HTR4: variants seen among roughly 807,000 people sequenced by gnomAD.
HTR4 encodes the protein 5-hydroxytryptamine (serotonin) receptor 4, G protein-coupled.
In HTR4, 16 loss-of-function variants were observed where a neutral mutation model predicts 36.8. That is an observed-to-expected ratio of 0.43 (90% CI 0.29 to 0.66). HTR4 has a LOEUF of 0.66. Among genes scored for constraint, HTR4 ranks in the 30% least tolerant of loss-of-function variants. HTR4 has a pLI of 0.13. For synonymous variants in HTR4, 189 were observed against 185.1 expected (o/e 1.02, Z -0.17); for missense variants, 438 against 490.9 (o/e 0.89, Z 1.02).
intron 5 of HTR4, chr5:148,451,326 C>G: frequency 6.2e-7 from 1 of 1,611,408 alleles, no homozygotes; most frequent in Non-Finnish European, 8.5e-7. Context: ...TCCAACTGCA[C>G]CGAAGTCAAG....
intron 2 of HTR4, among the ~76,000 whole-genome samples, chr5:148,556,000 G>A (rs1759934281): frequency 6.6e-6 from 1 of 151,818 alleles, no homozygotes; most frequent in South Asian, 2.1e-4. Context: ...ACTTTCTGGA[G>A]AGTCAAGAAC....
intron 4 of HTR4, among the ~76,000 whole-genome samples, chr5:148,533,310 C>A (rs905021746): frequency 1.3e-5 from 2 of 152,190 alleles, no homozygotes; most frequent in African/African-American, 4.8e-5. Context: ...AGGATATTTA[C>A]AAAGTAATTT....
In HTR4 at chr5:148,590,287, C is replaced by CTTTTTTTTTTTTTTTTTTTTTTTTTTTT. The variant is rs779077579; in HGVS notation, c.27-40053_27-40026dup. ...GTATTATTATTTTCTTTTTTCTTTT[C>CTTTTTTTTTTTTTTTTTTTTTTTTTTTT]TTTTTTTTTTTTTTTTTTTTTTTTT... On this transcript the variant is annotated intron_variant, in intron 2 of 6. Transcript: ENST00000377888. Among the ~76,000 whole-genome samples the CTTTTTTTTTTTTTTTTTTTTTTTTTTTT allele has an allele frequency of 2.7e-4, 9 of 33,334 alleles. 1 individual carries two copies. The highest frequency in any genetic ancestry group is 4.3e-4 in the Non-Finnish European group (8 of 18,796). The allele number at this position is 33,334 out of a possible 152,430, so 21.9% of individuals were successfully genotyped here.
At chr5:148,460,732 G>A (rs1035866917) in intron 5 of HTR4, among the ~76,000 whole-genome samples, 2 of 152,106 alleles carry the variant, frequency 1.3e-5, no homozygotes, top group Non-Finnish European at 2.9e-5. Context: ...AGGAATAAGT[G>A]AAGTAAAATA....
In HTR4 at chr5:148,517,935, T is replaced by A. The variant is rs545599110; in HGVS notation, c.507+5258A>T. 2.3e-4 allele frequency among the ~76,000 whole-genome samples: 35 copies of A among 151,924 alleles called. 1 individual carries two copies. In the South Asian group the frequency reaches 3.8e-3, roughly 16 times the overall value. ...CCTACACGATCTTTCTCCTATATAT[T>A]TTTTTTTACTTCCTCTCCTACATTT... On this transcript the variant is annotated intron_variant, in intron 5 of 6. Coordinates refer to ENST00000377888, the MANE Select transcript of HTR4 (RefSeq NM_000870.7).
At chr5:148,624,609 C>T (rs1422789040) in intron 2 of HTR4, among the ~76,000 whole-genome samples, 1 of 152,146 alleles carries the variant, frequency 6.6e-6, no homozygotes, top group African/African-American at 2.4e-5. Context: ...CAAACAGCAC[C>T]ACAGGAGAAG....
chr5:148,571,325 T>A (rs1269925135), intron 2 of HTR4, among the ~76,000 whole-genome samples: 1 of 152,126 alleles, frequency 6.6e-6, no homozygotes, highest in Non-Finnish European at 1.5e-5. Context: ...TTGTTGGTAG[T>A]TGTCGTGTCC....
chr5:148,490,962 C>A, intron 6 of HTR4: 1 of 397,232 alleles, frequency 2.5e-6, no homozygotes. Flanking sequence ...AAAATCATGG[C>A]ATTTACCCTC....
intron 4 of HTR4, among the ~76,000 whole-genome samples, chr5:148,530,451 T>C (rs555061197): frequency 1.3e-5 from 2 of 152,180 alleles, no homozygotes; most frequent in South Asian, 4.2e-4. Context: ...CTTCAGAGGG[T>C]GCTTCCATGT....
intron 6 of HTR4, among the ~76,000 whole-genome samples, chr5:148,483,693 C>T (rs761865452): frequency 3.3e-5 from 5 of 152,164 alleles, no homozygotes; most frequent in Non-Finnish European, 7.3e-5. Flanking sequence ...GTCCTTTGAA[C>T]ACCTCTCTTG....
intron 6 of HTR4, among the ~76,000 whole-genome samples, chr5:148,503,313 C>T (rs1581390747): frequency 6.6e-6 from 1 of 152,302 alleles, no homozygotes; most frequent in East Asian, 1.9e-4. Context: ...ACTCTACAAG[C>T]CAGAAGAGGG....
chr5:148,535,689 A>G (rs1164810044), intron 4 of HTR4, among the ~76,000 whole-genome samples: 1 of 152,202 alleles, frequency 6.6e-6, no homozygotes, highest in Non-Finnish European at 1.5e-5. Context: ...AAATAAAGAC[A>G]AAATAATTAA....
chr5:148,458,436 C>A (rs1409201103), intron 5 of HTR4, among the ~76,000 whole-genome samples: 1 of 151,992 alleles, frequency 6.6e-6, no homozygotes, highest in Non-Finnish European at 1.5e-5. Context: ...TCCCTGTCCT[C>A]ATGGAGCTAG....
intron 6 of HTR4, among the ~76,000 whole-genome samples, chr5:148,504,050 C>A (rs564518708): frequency 7.9e-5 from 12 of 152,258 alleles, no homozygotes; most frequent in African/African-American, 2.9e-4. Flanking sequence ...TAATGGGAGA[C>A]TTTAACACCC....
chr5:148,467,090 G>A (rs1296296035), intron 5 of HTR4, among the ~76,000 whole-genome samples: 1 of 152,096 alleles, frequency 6.6e-6, no homozygotes, highest in Non-Finnish European at 1.5e-5. Flanking sequence ...TAAACTTCAA[G>A]GCAATAAGGA....
intron 2 of HTR4, among the ~76,000 whole-genome samples, chr5:148,615,898 C>A (rs111825360): frequency 9.2e-5 from 14 of 152,222 alleles, no homozygotes; most frequent in South Asian, 4.1e-4. Context: ...TCTAAATTGA[C>A]CCAGATGCTG....
At chr5:148,614,201 CA>C (rs1221462717) in intron 2 of HTR4, among the ~76,000 whole-genome samples, 1 of 152,014 alleles carries the variant, frequency 6.6e-6, no homozygotes, top group South Asian at 2.1e-4. Flanking sequence ...CATATGGAAC[CA>C]AAAAAGAGCC....
intron 5 of HTR4, among the ~76,000 whole-genome samples, chr5:148,465,514 C>A (rs1755403186): frequency 6.6e-6 from 1 of 152,134 alleles, no homozygotes; most frequent in Non-Finnish European, 1.5e-5. Flanking sequence ...TGAATTGGAG[C>A]ACTGGGGGTA....
rs201864103 is a variant in HTR4, at chr5:148,509,987, G to A, written c.545C>T (p.Thr182Met). 3.4e-4 allele frequency: 553 copies of A among 1,613,602 alleles called. 1 individual carries two copies. The highest frequency in any genetic ancestry group is 4.4e-4 in the Non-Finnish European group (514 of 1,179,774). ...KRKFNQNSNSTYCVFMVNKPY... is the reference protein window; with the variant it reads ...KRKFNQNSNSMYCVFMVNKPY... ...CTTGTTGACCATGAAGACACAGTAC[G>A]TAGAGTTAGAGTTCTGGTTGAACTT... The change falls in exon 6 of 7, where the codon ACG (threonine) becomes ATG (methionine). Residue 182 changes from threonine to methionine, a missense_variant. Physicochemically the swap from Thr to Met is moderately conservative, Grantham distance 81 (BLOSUM62 -1). Coordinates refer to ENST00000377888, the MANE Select transcript of HTR4 (RefSeq NM_000870.7).
Sources: gnomAD v4.1 joint callset for allele counts (sites outside exome capture counted in the v4.1 genomes callset) on GRCh38, gnomAD v4.1.1 for gene constraint, MANE v1.5 for transcripts, NCBI Gene and HGNC (gene_info 2026-07-23, HGNC 2026-07-21) for gene names.